BMP10: variants seen among roughly 807,000 people sequenced by gnomAD.
BMP10 encodes the protein bone morphogenetic protein 10.
A neutral mutation model predicts 29.9 loss-of-function variants in BMP10; 9 were observed. The ratio of observed to expected loss-of-function variants is 0.30; its 90% confidence interval spans 0.18 to 0.53. BMP10 has a LOEUF of 0.53. Ranked by LOEUF, BMP10 falls within the 20% of genes least tolerant of loss-of-function variation. The pLI is 0.96. For missense variants in BMP10, 474 were observed against 524.3 expected (o/e 0.90, Z 0.94); for synonymous variants, 202 against 200.2 (o/e 1.01, Z -0.07).
Position 68,865,800 on chromosome 2 carries a change from T to C in BMP10, c.1106A>G (p.His369Arg). The change falls in exon 2 of 2, where the codon CAT becomes CGT. Residue 369 changes from histidine (H) to arginine (R), a missense_variant. Physicochemically the swap from His to Arg is conservative, Grantham distance 29. Around this residue, in one of 2 missense-constraint regions of BMP10, gnomAD observed 66 missense variants for 109.0 expected, o/e 0.61. Coordinates refer to ENST00000295379, the MANE Select transcript of BMP10 (RefSeq NM_014482.3). This position sits in a 1 kb window ranked among gnomAD's most constrained non-coding sequence, Gnocchi z 4.7. ...GTGGACCAAGGCCTGGATAATTGCA[T>C]GCTTTGTGGGTGTGAGATGCTCTGC... ...PLAEHLTPTKHAIIQALVHLK... is the reference protein window; with the variant it reads ...PLAEHLTPTKRAIIQALVHLK... 1 of 1,614,138 alleles carries C rather than the reference T, an allele frequency of 6.2e-7. No homozygotes were observed. The highest frequency in any genetic ancestry group is 8.5e-7 in the Non-Finnish European group (1 of 1,179,986).
At chr2:68,867,836 T>C (rs1682995168) in intron 1 of BMP10, among the ~76,000 whole-genome samples, 1 of 152,242 alleles carries the variant, frequency 6.6e-6, no homozygotes, top group Non-Finnish European at 1.5e-5. Context: ...AATTATTTTA[T>C]ACTTATTATC....
Position 68,865,831 on chromosome 2 carries a change from G to A in BMP10, c.1075C>T (p.Pro359Ser), listed in dbSNP as rs771231729. 6.2e-7 allele frequency: 1 copy of A among 1,614,086 alleles called. No individual in the cohort carries two copies. Residue 359 changes from proline to serine, a missense_variant, in exon 2 of 2, where the codon CCC becomes TCC. Pro to Ser is a moderately conservative substitution (Grantham distance 74). Transcript: ENST00000295379. This position sits in a 1 kb window ranked among gnomAD's most constrained non-coding sequence, Gnocchi z 4.7. ...AYECRGVCNY[P>S]LAEHLTPTKH... is the part of the protein sequence containing the mutation. ...GTGGGTGTGAGATGCTCTGCCAGGG[G>A]GTAGTTACAAACACCACGGCATTCA...
rs769409957 is a variant in BMP10, at chr2:68,862,554, A to G, written c.*3077T>C. On this transcript the variant is annotated 3_prime_UTR_variant, in exon 2 of 2. Transcript: ENST00000295379. The stretch of plus-strand genomic sequence containing the variant: ...TCCCTCTGCTATAATTCTCCTCAAG[A>G]GTTGTTTAGCTATATCAACTTCGGT... 6.6e-6 allele frequency among the ~76,000 whole-genome samples: 1 copy of G among 152,180 alleles called. No individual in the cohort carries two copies. Among genetic ancestry groups the G allele is most frequent in the Non-Finnish European group, 1.5e-5 (1 of 68,020 alleles).
chr2:68,869,380 C>A (rs939599080), intron 1 of BMP10, among the ~76,000 whole-genome samples: 17 of 152,162 alleles, frequency 1.1e-4, no homozygotes, highest in Non-Finnish European at 2.4e-4. Context: ...CAGGGCATGT[C>A]CTGTGCGATT....
chr2:68,862,345 G>A lies in BMP10; in HGVS notation c.*3286C>T, dbSNP rs184798521. On this transcript the variant is annotated 3_prime_UTR_variant, in exon 2 of 2. Coordinates refer to ENST00000295379, the MANE Select transcript of BMP10 (RefSeq NM_014482.3). ...CAAAAAGAGAGAGATGGAAATACAG[G>A]CCATATATTATATGTGAGCCATACT... Among the ~76,000 whole-genome samples the A allele has an allele frequency of 8.4e-4, 128 of 152,150 alleles. No individual in the cohort carries two copies. The highest frequency in any genetic ancestry group is 3.1e-3 in the African/African-American group (127 of 41,474).
At chr2:68,866,614 CA>C in intron 1 of BMP10, 43 bp from the exon 2 acceptor site, 1 of 1,463,072 alleles carries the variant, frequency 6.8e-7, no homozygotes, top group East Asian at 2.3e-5. Context: ...CAGTGGGTCT[CA>C]GGGAAAAACA....
In BMP10 at chr2:68,865,641, C is replaced by T; in HGVS notation, c.1265G>A (p.Gly422Asp). The change falls in exon 2 of 2, where the codon GGC (glycine) becomes GAC (aspartate). Residue 422 changes from glycine (G) to aspartate (D), a missense_variant. Physicochemically the swap from Gly to Asp is moderately conservative, Grantham distance 94. Transcript: ENST00000295379. The surrounding 1 kb of genome is among the most constrained non-coding windows in gnomAD (Gnocchi z 4.7). ...CATAGGACTCTTCTTCTATCTACAGCCACATTCGGAGACGGCCATGCCTTC... is the reference window on the plus strand; with the variant it reads ...CATAGGACTCTTCTTCTATCTACAGTCACATTCGGAGACGGCCATGCCTTC... Reference protein sequence around the residue: ...KYEGMAVSECGCR With the variant: ...KYEGMAVSECDCR 6.2e-7 allele frequency: 1 copy of T among 1,613,612 alleles called. No homozygotes were observed. Among genetic ancestry groups the T allele is most frequent in the Non-Finnish European group, 8.5e-7 (1 of 1,179,682 alleles).
Position 68,866,160 on chromosome 2 carries a change from T to A in BMP10, c.746A>T (p.His249Leu), listed in dbSNP as rs1682950191. ...AGAAAACACGATGAGCAAAGGGTTA[T>A]GCTTATTCTGGGCACTGGTATCTAT... Reference protein sequence around the residue: ...LEIDTSAQNKHNPLLIVFSDD... With the variant: ...LEIDTSAQNKLNPLLIVFSDD... Residue 249 changes from histidine to leucine, a missense_variant, in exon 2 of 2, where the codon CAT becomes CTT. Transcript: ENST00000295379. The A allele has an allele frequency of 6.2e-7, 1 of 1,613,950 alleles. No homozygotes were observed. The highest frequency in any genetic ancestry group is 1.7e-5 in the Admixed American group (1 of 59,988).
rs1573686722 is a variant in BMP10, at chr2:68,867,892, T to G, written c.335-1321A>C. Reference sequence around the variant, plus strand: ...CAACATAATTCATTAAAGGAGAGATTTGAGGTGATATTTATGTGTGTTTGC... The same window carrying G: ...CAACATAATTCATTAAAGGAGAGATGTGAGGTGATATTTATGTGTGTTTGC... On this transcript the variant is annotated intron_variant, in intron 1 of 1. Transcript: ENST00000295379. Among the ~76,000 whole-genome samples, 4 of 110,276 alleles carry G rather than the reference T, an allele frequency of 3.6e-5. No individual in the cohort carries two copies. The Admixed American group carries it at 4.5e-4, about 12-fold the overall frequency. The allele number at this position is 110,276 out of a possible 152,430, so 72.3% of individuals were successfully genotyped here. A position where few individuals can be genotyped will look rare whatever the true frequency, so the allele number is the denominator to read the frequency against.
At position 68,866,196 on chromosome 2, in the gene BMP10, C is replaced by T; in HGVS notation, c.710G>A (p.Gly237Glu). Residue 237 changes from glycine (G) to glutamate (E), a missense_variant, in exon 2 of 2, where the codon GGA becomes GAA. Gly to Glu is a moderately conservative substitution (Grantham distance 98, BLOSUM62 -2). This residue lies in a region of BMP10 where 408 missense variants were observed against 415.3 expected (regional missense o/e 0.98). Transcript: ENST00000295379. Reference sequence around the variant, plus strand: ...GGCACTGGTATCTATTTCTAGCCGTCCACTGCTGGCATCCTCAGCTTCATC... The same window carrying T: ...GGCACTGGTATCTATTTCTAGCCGTTCACTGCTGGCATCCTCAGCTTCATC... ...KHDEAEDASS[G>E]RLEIDTSAQN... 1 of 1,614,028 alleles carries T rather than the reference C, an allele frequency of 6.2e-7. No individual in the cohort carries two copies. Among genetic ancestry groups the T allele is most frequent in the South Asian group, 1.1e-5 (1 of 91,074 alleles).
In BMP10 at chr2:68,871,112, C is replaced by T. The variant is rs1192957334; in HGVS notation, c.247G>A (p.Glu83Lys). The T allele has an allele frequency of 6.2e-7, 1 of 1,614,190 alleles. No homozygotes were observed. Among genetic ancestry groups the T allele is most frequent in the Non-Finnish European group, 8.5e-7 (1 of 1,180,032 alleles). The change falls in exon 1 of 2, where the codon GAG becomes AAG. Residue 83 changes from glutamate (E) to lysine (K), a missense_variant. Transcript: ENST00000295379. Reference sequence around the variant, plus strand: ...TTGTTGTAGAGTTCCAACATGTACTCTGGTGGGTCCACCTTGGCTGAATCC... The same window carrying T: ...TTGTTGTAGAGTTCCAACATGTACTTTGGTGGGTCCACCTTGGCTGAATCC... ...TQDSAKVDPP[E>K]YMLELYNKFA... is the part of the protein sequence containing the mutation.
chr2:68,864,664 C>G lies in BMP10; in HGVS notation c.*967G>C, dbSNP rs1234753985. Among the ~76,000 whole-genome samples the G allele has an allele frequency of 6.6e-6, 1 of 152,188 alleles. No homozygotes were observed. Among genetic ancestry groups the G allele is most frequent in the African/African-American group, 2.4e-5 (1 of 41,454 alleles). On this transcript the variant is annotated 3_prime_UTR_variant, in exon 2 of 2. Coordinates refer to ENST00000295379, the MANE Select transcript of BMP10 (RefSeq NM_014482.3). ...GTGAAGAAAGATATTAACATCCTTT[C>G]TTCCAACAGACAGACCCCTTCTGAT...
chr2:68,863,478 A>G lies in BMP10; in HGVS notation c.*2153T>C, dbSNP rs897253932. ...GAGTATACATTGTGTACCATGGAGT[A>G]TGAAGGATGCACCACGTTCCACTGA... is the stretch of plus-strand genomic sequence containing the variant. On this transcript the variant is annotated 3_prime_UTR_variant, in exon 2 of 2. Transcript: ENST00000295379. Among the ~76,000 whole-genome samples, 2 of 152,206 alleles carry G rather than the reference A, an allele frequency of 1.3e-5. No individual in the cohort carries two copies. The highest frequency in any genetic ancestry group is 2.9e-5 in the Non-Finnish European group (2 of 68,034).
rs1304853237 is a variant in BMP10 at position 68,871,119 on chromosome 2, G to A, written c.240C>T (p.Asp80=). 3.1e-6 allele frequency: 5 copies of A among 1,614,034 alleles called. No homozygotes were observed. In the African/African-American group the frequency reaches 4.0e-5, roughly 13 times the overall value. The change falls in exon 1 of 2, where the codon GAC becomes GAT. Residue 80 remains aspartate, a synonymous_variant. Transcript: ENST00000295379. ...AGAGTTCCAACATGTACTCTGGTGGGTCCACCTTGGCTGAATCCTGCGTGG... is the reference window on the plus strand; with the variant it reads ...AGAGTTCCAACATGTACTCTGGTGGATCCACCTTGGCTGAATCCTGCGTGG... ...DIPTQDSAKV[D]PPEYMLELYN...
rs1176477835 is a variant in BMP10, at chr2:68,865,735, GCA to G, written c.1169_1170del (p.Val390AlafsTer22). ...ATGGAGATGGGCTCTAGCTTTGTGG[GCA>G]CACAGCAGGCTTTGGAAGCTTTCTG... ...NSQKASKACC[V>X]PTKLEPISIL... On this transcript the variant is annotated frameshift_variant, in exon 2 of 2. Coordinates refer to ENST00000295379, the MANE Select transcript of BMP10 (RefSeq NM_014482.3). LOFTEE classifies it high-confidence loss of function. This position sits in a 1 kb window ranked among gnomAD's most constrained non-coding sequence, Gnocchi z 4.7. 6.2e-7 allele frequency: 1 copy of G among 1,614,130 alleles called. No homozygotes were observed.
At chr2:68,867,636 C>T (rs1682988332) in intron 1 of BMP10, among the ~76,000 whole-genome samples, 1 of 152,132 alleles carries the variant, frequency 6.6e-6, no homozygotes. Context: ...AATGAGTCTA[C>T]AAGGAAGCCC....
intron 1 of BMP10, among the ~76,000 whole-genome samples, chr2:68,868,291 C>T (rs956679166): frequency 2.0e-5 from 3 of 152,154 alleles, no homozygotes; most frequent in South Asian, 2.1e-4. Context: ...GCCCTTTCAC[C>T]TCACCTCCAC....
At position 68,865,953 on chromosome 2, in the gene BMP10, G is replaced by A. The variant is rs375068861; in HGVS notation, c.953C>T (p.Ala318Val). Residue 318 changes from alanine to valine, a missense_variant, in exon 2 of 2, where the codon GCC becomes GTC. Physicochemically the swap from Ala to Val is moderately conservative, Grantham distance 64. Around this residue, in one of 2 missense-constraint regions of BMP10, gnomAD observed 408 missense variants for 415.3 expected, o/e 0.98. Coordinates refer to ENST00000295379, the MANE Select transcript of BMP10 (RefSeq NM_014482.3). This position sits in a 1 kb window ranked among gnomAD's most constrained non-coding sequence, Gnocchi z 4.7. Reference protein sequence around the residue: ...YDSTARIRRNAKGNYCKRTPL... With the variant: ...YDSTARIRRNVKGNYCKRTPL... ...GGTCCTCTTACAGTAGTTTCCTTTG[G>A]CGTTCCTTCTGATTCGGGCAGTGGA... 130 of 1,614,010 alleles carry A rather than the reference G, an allele frequency of 8.1e-5. No homozygotes were observed. The highest frequency in any genetic ancestry group is 1.8e-4 in the South Asian group (16 of 91,080).
In BMP10 at chr2:68,870,919, C is replaced by G; in HGVS notation, c.334+106G>C. 3.0e-6 allele frequency: 3 copies of G among 996,922 alleles called. No homozygotes were observed. In the South Asian group the frequency reaches 4.6e-5, roughly 15 times the overall value. 61.8% of individuals were successfully genotyped at this position (996,922 alleles called of 1,614,324 possible). On this transcript the variant is annotated intron_variant, in intron 1 of 1. Transcript: ENST00000295379. ...TGTGTATCCATATGTATTTAACATC[C>G]TTATATAGATGTATTTACCCTTACC... is the stretch of plus-strand genomic sequence containing the variant.
Sources: gnomAD v4.1 joint callset for allele counts (sites outside exome capture counted in the v4.1 genomes callset) on GRCh38, gnomAD v4.1.1 for gene constraint, gnomAD v4.1.1 regional missense constraint, Gnocchi (gnomAD v3.1) non-coding constraint, MANE v1.5 for transcripts, NCBI Gene and HGNC (gene_info 2026-07-23, HGNC 2026-07-21) for gene names.